NCAM2: variants seen among roughly 807,000 people sequenced by gnomAD.
The protein encoded by NCAM2 is N-CAM-2.
Under a neutral mutation model 98.1 loss-of-function variants are expected in NCAM2, and 30 were observed. The observed-to-expected ratio is 0.31, with a 90% CI of 0.23 to 0.41. NCAM2 has a LOEUF of 0.41. NCAM2 is among the 10% of genes least tolerant of loss of function. NCAM2 has a pLI of 1.00. For missense variants in NCAM2, 867 were observed against 1,005.8 expected (o/e 0.86, Z 1.87); for synonymous variants, 368 against 342.4 (o/e 1.07, Z -0.83).
At chr21:21,223,786 T>C (rs2070267712) in intron 1 of NCAM2, 1 of 152,122 alleles carries the variant, frequency 6.6e-6, no homozygotes, top group Non-Finnish European at 1.5e-5. Flanking sequence ...AATTCAAAAG[T>C]CAATGCTTTA....
intron 1 of NCAM2, among the ~76,000 whole-genome samples, chr21:21,138,661 C>T (rs2146645181): frequency 6.6e-6 from 1 of 152,216 alleles, no homozygotes; most frequent in South Asian, 2.1e-4. Context: ...TATGCTCTAA[C>T]AGGTAACTGA....
chr21:21,011,151 A>AG (rs2064202301), intron 1 of NCAM2, among the ~76,000 whole-genome samples: 1 of 104,518 alleles, frequency 9.6e-6, no homozygotes, highest in Non-Finnish European at 2.0e-5. Context: ...TTTACTCTGC[A>AG]GGGTTTTTTT....
intron 9 of NCAM2, among the ~76,000 whole-genome samples, chr21:21,393,048 A>G (rs2076415147): frequency 6.6e-6 from 1 of 152,074 alleles, no homozygotes. Context: ...GATATTATCT[A>G]GGTTGCCTTC....
intron 9 of NCAM2, among the ~76,000 whole-genome samples, chr21:21,375,274 T>C (rs1388576894): frequency 6.7e-6 from 1 of 149,838 alleles, no homozygotes; most frequent in Non-Finnish European, 1.5e-5. Context: ...TTCCTGGATC[T>C]GTAACAACCT....
chr21:21,191,448 A>AT (rs2068821255), intron 1 of NCAM2, among the ~76,000 whole-genome samples: 1 of 152,158 alleles, frequency 6.6e-6, no homozygotes, highest in Non-Finnish European at 1.5e-5. Context: ...TTAAATATGT[A>AT]TTTCTTTTCT....
At chr21:21,474,320 T>C in intron 14 of NCAM2, among the ~76,000 whole-genome samples, 1 of 152,096 alleles carries the variant, frequency 6.6e-6, no homozygotes, top group East Asian at 1.9e-4. Context: ...CTTAAAATGA[T>C]GGAGGGCCCT....
intron 14 of NCAM2, among the ~76,000 whole-genome samples, chr21:21,470,723 G>A (rs1183684787): frequency 6.6e-6 from 1 of 151,880 alleles, no homozygotes; most frequent in African/African-American, 2.4e-5. Flanking sequence ...AAGTGCTAGA[G>A]GATCTGTTTT....
intron 1 of NCAM2, among the ~76,000 whole-genome samples, chr21:21,123,279 A>C (rs1209646156): frequency 6.6e-6 from 1 of 151,986 alleles, no homozygotes. Flanking sequence ...CCTGAGTCCC[A>C]GCTACTCGGG....
At chr21:21,285,880 A>G (rs1305469930) in intron 3 of NCAM2, among the ~76,000 whole-genome samples, 1 of 151,990 alleles carries the variant, frequency 6.6e-6, no homozygotes, top group Admixed American at 6.6e-5. Flanking sequence ...TATTTTATAT[A>G]GGCAGGTTGG....
At position 21,185,941 on chromosome 21, in the gene NCAM2, G is replaced by A. The variant is rs146603195; in HGVS notation, c.56-94637G>A. Among the ~76,000 whole-genome samples the A allele has an allele frequency of 7.9e-5, 12 of 152,248 alleles. No individual in the cohort carries two copies. In the East Asian group the frequency reaches 1.2e-3, roughly 15 times the overall value. ...AACTAACATTTTAGAAGACAGGATC[G>A]TGATAGCCAGGTCAAAGTGAGGAAG... On this transcript the variant is annotated intron_variant, in intron 1 of 17. Coordinates refer to ENST00000400546, the MANE Select transcript of NCAM2 (RefSeq NM_004540.5).
intron 9 of NCAM2, among the ~76,000 whole-genome samples, chr21:21,384,263 A>G (rs917229899): frequency 1.3e-5 from 2 of 151,850 alleles, no homozygotes; most frequent in African/African-American, 4.8e-5. Flanking sequence ...GTCATGGATT[A>G]TATTTACATA....
At chr21:21,282,939 T>C (rs1469274348) in intron 2 of NCAM2, among the ~76,000 whole-genome samples, 6 of 151,816 alleles carry the variant, frequency 4.0e-5, no homozygotes, top group African/African-American at 1.4e-4. Flanking sequence ...AAAATATTTA[T>C]CAGAATATCC....
chr21:21,225,387 A>G (rs1601697504), intron 1 of NCAM2, among the ~76,000 whole-genome samples: 1 of 152,196 alleles, frequency 6.6e-6, no homozygotes, highest in East Asian at 1.9e-4. Context: ...CACATCCTGC[A>G]CATGTACCCC....
At chr21:21,363,936 C>G (rs563391966) in intron 8 of NCAM2, among the ~76,000 whole-genome samples, 1 of 152,114 alleles carries the variant, frequency 6.6e-6, no homozygotes, top group South Asian at 2.1e-4. Flanking sequence ...AGTTTCTTCT[C>G]TTTTAATTGA....
chr21:21,267,173 A>C (rs904305637), intron 1 of NCAM2, among the ~76,000 whole-genome samples: 1 of 152,188 alleles, frequency 6.6e-6, no homozygotes, highest in Non-Finnish European at 1.5e-5. Context: ...GTTTATTATC[A>C]TACTAGTTAG....
At chr21:21,076,400 G>T (rs2065682584) in intron 1 of NCAM2, among the ~76,000 whole-genome samples, 1 of 152,082 alleles carries the variant, frequency 6.6e-6, no homozygotes, top group Admixed American at 6.5e-5. Flanking sequence ...GCAAAAATTT[G>T]TTAGAAAATT....
Position 21,012,079 on chromosome 21 carries a change from G to A in NCAM2, c.55+13461G>A, listed in dbSNP as rs1318196258. On this transcript the variant is annotated intron_variant, in intron 1 of 17. Transcript: ENST00000400546. ...AATAGTATGGAGGTTCCATAAAAAT[G>A]AAAAAATGGAAATGCCATATCATTG... Among the ~76,000 whole-genome samples, 4 of 152,154 alleles carry A rather than the reference G, an allele frequency of 2.6e-5. No homozygotes were observed. In the East Asian group the frequency reaches 7.7e-4, roughly 29 times the overall value.
intron 1 of NCAM2, among the ~76,000 whole-genome samples, chr21:21,005,381 G>GA (rs561854846): frequency 1.3e-5 from 2 of 151,034 alleles, no homozygotes; most frequent in Admixed American, 6.6e-5. Flanking sequence ...TTATTTAACA[G>GA]AAAAAAAAGG....
In NCAM2 at chr21:21,253,137, T is replaced by G. The variant is rs2032300; in HGVS notation, c.56-27441T>G. Among the ~76,000 whole-genome samples, 50 of 152,308 alleles carry G rather than the reference T, an allele frequency of 3.3e-4. No homozygotes were observed. The East Asian group carries it at 6.0e-3, about 18-fold the overall frequency. The stretch of plus-strand genomic sequence containing the variant: ...CAACTCTCTGCCATTATTACTGTTA[T>G]CCTTCTTTTTACAACTATCACACTT... On this transcript the variant is annotated intron_variant, in intron 1 of 17. Coordinates refer to ENST00000400546, the MANE Select transcript of NCAM2 (RefSeq NM_004540.5).
Sources: allele counts gnomAD v4.1 joint callset (sites outside exome capture counted in the v4.1 genomes callset), GRCh38; gene constraint gnomAD v4.1.1; transcripts MANE v1.5; gene names NCBI Gene and HGNC (gene_info 2026-07-23, HGNC 2026-07-21).